The following NFKBID variants were observed in gnomAD, a reference collection of about 807,000 sequenced individuals.
NFKBID encodes NFKB inhibitor delta.
NFKBID carries 26 observed loss-of-function variants against 53.4 expected under a neutral mutation model. That is an observed-to-expected ratio of 0.49 (90% CI 0.36 to 0.68). NFKBID has a LOEUF of 0.68. NFKBID is among the 30% of genes least tolerant of loss of function. NFKBID has a pLI of 0.00. For synonymous variants in NFKBID, 262 were observed against 259.8 expected, an observed-to-expected ratio of 1.01 and a Z score of -0.08; for missense variants, 493 against 614.1, an observed-to-expected ratio of 0.80 and a Z score of 2.08.
At chr19:35,897,756 G>C in exon 4 of NFKBID, 3 of 1,611,500 alleles carry the variant, frequency 1.9e-6, no homozygotes, top group Non-Finnish European at 2.5e-6. Flanking sequence ...AGTAGGGGCT[G>C]TCAGTGTAGG....
rs186911486 is a variant in NFKBID at position 35,890,278 on chromosome 19, G to A, written c.1149+96C>T. On this transcript the variant is annotated intron_variant, in intron 10 of 11. Coordinates refer to ENST00000641389, the Ensembl canonical transcript of NFKBID. ...CTTTCCCCTGCAGATCCCACACATC[G>A]TCCCCTCCACGTCCACAGCCCCCAG... 1,221 of 935,484 alleles carry A rather than the reference G, an allele frequency of 1.3e-3. 11 individuals are homozygous for A. In the African/African-American group the frequency reaches 0.016, roughly 12 times the overall value. The allele number at this position is 935,484 out of a possible 1,614,324, so 57.9% of individuals were successfully genotyped here. A position where few individuals can be genotyped will look rare whatever the true frequency, so the allele number is the denominator to read the frequency against.
At chr19:35,888,784 G>A (rs1028540532) in intron 11 of NFKBID, among the ~76,000 whole-genome samples, 172 bp from the exon 12 acceptor site, 1 of 152,160 alleles carries the variant, frequency 6.6e-6, no homozygotes, top group African/African-American at 2.4e-5. Context: ...AGTGGCTCAC[G>A]CCTGTAATCC....
At chr19:35,898,382 G>T in intron 3 of NFKBID, 90 bp downstream of exon 3, 3 of 775,204 alleles carry the variant, frequency 3.9e-6, no homozygotes, top group Non-Finnish European at 6.3e-6. Flanking sequence ...ATGAGGGCCT[G>T]ACTCCCAGGT....
exon 1 of NFKBID, chr19:35,900,621 C>A (rs1975509499): frequency 8.1e-7 from 1 of 1,229,650 alleles, no homozygotes; most frequent in African/African-American, 1.6e-5. Context: ...GCCCACAGGC[C>A]TGGGAGTCCC....
At chr19:35,894,321 C>G (rs556597644) in intron 9 of NFKBID, among the ~76,000 whole-genome samples, 5 of 152,260 alleles carry the variant, frequency 3.3e-5, no homozygotes, top group Admixed American at 6.5e-5. Flanking sequence ...GAAGGAGCTA[C>G]TGTCACAGGA....
Position 35,898,628 on chromosome 19 carries a change from C to A in NFKBID, c.165+91G>T, listed in dbSNP as rs1254736450. The stretch of plus-strand genomic sequence containing the variant: ...CTATAAGACATTTCGGTCAGGACCA[C>A]CCCTCTCATCAGCCCCGAGGGCCCG... On this transcript the variant is annotated intron_variant, in intron 2 of 11. Transcript: ENST00000641389. The A allele has an allele frequency of 3.6e-6, 5 of 1,404,332 alleles. No individual in the cohort carries two copies. The African/African-American group carries it at 4.3e-5, about 12-fold the overall frequency. 87.0% of individuals were successfully genotyped at this position (1,404,332 alleles called of 1,614,324 possible).
rs1975239692 is a variant in NFKBID, at chr19:35,897,221, G to A, written c.433-163C>T. The A allele has an allele frequency of 5.7e-6, 4 of 702,824 alleles. No individual in the cohort carries two copies. The South Asian group carries it at 6.6e-5, about 12-fold the overall frequency. The allele number at this position is 702,824 out of a possible 1,614,324, so 43.5% of individuals were successfully genotyped here. ...ATCCCATCTATGCCAAGTGACCTTG[G>A]ACCTTTAGGCCTCAGTTTTGCCCAC... is the stretch of plus-strand genomic sequence containing the variant. On this transcript the variant is annotated intron_variant, in intron 4 of 11. Coordinates refer to ENST00000641389, the Ensembl canonical transcript of NFKBID.
chr19:35,900,180 C>T (rs1166407888), intron 1 of NFKBID, among the ~76,000 whole-genome samples: 1 of 130,650 alleles, frequency 7.7e-6, no homozygotes, highest in Non-Finnish European at 1.5e-5. Context: ...ATCCAGCCTC[C>T]CAAGCCTCCC....
rs377364768 is a variant in NFKBID, at chr19:35,897,030, G to A, written c.461C>T (p.Pro154Leu). The A allele has an allele frequency of 8.1e-6, 13 of 1,604,470 alleles. No individual in the cohort carries two copies. In the South Asian group the frequency reaches 8.8e-5, roughly 11 times the overall value. Residue 154 changes from proline (P) to leucine (L), a missense_variant, in exon 5 of 12, where the codon CCT becomes CTT. This residue lies in a region of NFKBID where 226 missense variants were observed against 229.5 expected (regional missense o/e 0.98). Coordinates refer to ENST00000641389, the Ensembl canonical transcript of NFKBID. The stretch of plus-strand genomic sequence containing the variant: ...AGCGGGGAACTGTGGGGGTCCTGAA[G>A]GGGGTGCAGAAACTCTCCAGGGTCC...
Position 35,900,510 on chromosome 19 carries a change from GT to G in NFKBID, c.-9del, listed in dbSNP as rs1317083299. The G allele has an allele frequency of 2.4e-6, 3 of 1,231,902 alleles. 1 individual carries two copies. The highest frequency in any genetic ancestry group is 1.0e-6 in the Non-Finnish European group (1 of 987,758). The allele number at this position is 1,231,902 out of a possible 1,614,324, so 76.3% of individuals were successfully genotyped here. On this transcript the variant is annotated 5_prime_UTR_variant, in exon 1 of 12. Transcript: ENST00000641389. ...GCCTCGGCGCTGCGCCAGCCTCGCT[GT>G]TTCCCCCGCGGAGCCGCCGCCGGGT...
At chr19:35,891,500 A>G (rs185517908) in intron 9 of NFKBID, among the ~76,000 whole-genome samples, 244 of 152,342 alleles carry the variant, frequency 1.6e-3, no homozygotes, top group Non-Finnish European at 2.8e-3. Context: ...AAATTTGAAT[A>G]CAGCCAGGAT....
upstream of NFKBID, among the ~76,000 whole-genome samples, chr19:35,900,813 CTTTTTTTTCTTTTCTTTTTTTTT>C (rs1975525477): frequency 5.5e-5 from 7 of 127,940 alleles, no homozygotes; most frequent in African/African-American, 2.0e-4. Flanking sequence ...TTTTCTTTTT[CTTTTTTTTCTTTTCTTTTTTTTT>C]TTTTTTTTTT....
At chr19:35,898,414 C>A in intron 3 of NFKBID, 58 bp downstream of exon 3, 2 of 1,111,840 alleles carry the variant, frequency 1.8e-6, no homozygotes, top group African/African-American at 1.6e-5. Flanking sequence ...CTGAGAGCTG[C>A]GATGTCTGAG....
intron 9 of NFKBID, among the ~76,000 whole-genome samples, chr19:35,893,382 G>C (rs1174418349): frequency 6.6e-6 from 1 of 152,066 alleles, no homozygotes; most frequent in African/African-American, 2.4e-5. Context: ...CGCTAATAAT[G>C]CCTTATCTTG....
At position 35,890,962 on chromosome 19, in the gene NFKBID, C is replaced by T. The variant is rs10407969; in HGVS notation, c.1033-472G>A. Among the ~76,000 whole-genome samples, 1,320 of 152,244 alleles carry T rather than the reference C, an allele frequency of 8.7e-3. 21 individuals are homozygous for T. Among genetic ancestry groups the T allele is most frequent in the African/African-American group, 0.03 (1,233 of 41,544 alleles). On this transcript the variant is annotated intron_variant, in intron 9 of 11. Transcript: ENST00000641389. ...ATGTCTTGTGCACCGCACAACACCA[C>T]GTCTCAGGGTGTACCATTCACACCA...
chr19:35,894,828 T>C (rs1975016247), intron 9 of NFKBID, among the ~76,000 whole-genome samples: 1 of 151,912 alleles, frequency 6.6e-6, no homozygotes, highest in Non-Finnish European at 1.5e-5. Flanking sequence ...ACCCTGTCTC[T>C]ACTAAAAATA....
At position 35,890,394 on chromosome 19, in the gene NFKBID, G is replaced by A. The variant is rs750159123; in HGVS notation, c.1129C>T (p.Arg377Trp). Residue 377 changes from arginine (R) to tryptophan (W), a missense_variant, in exon 10 of 12, where the codon CGG (arginine) becomes TGG (tryptophan). Coordinates refer to ENST00000641389, the Ensembl canonical transcript of NFKBID. ...CCCACCTTCATGTTGACAAAGGTCCGCAGGTCTCCCCGGGGCAGCTCCAGC... is the reference window on the plus strand; with the variant it reads ...CCCACCTTCATGTTGACAAAGGTCCACAGGTCTCCCCGGGGCAGCTCCAGC... 3.7e-5 allele frequency: 60 copies of A among 1,612,386 alleles called. No homozygotes were observed. Among genetic ancestry groups the A allele is most frequent in the South Asian group, 9.9e-5 (9 of 91,028 alleles).
In NFKBID at chr19:35,894,942, G is replaced by A. The variant is rs576644262; in HGVS notation, c.1032+1038C>T. On this transcript the variant is annotated intron_variant, in intron 9 of 11. Transcript: ENST00000641389. The stretch of plus-strand genomic sequence containing the variant: ...CAGGAGGCGGAGGTTGTGGTGAGCC[G>A]AGATCACACCATTGCACTCCAGCCT... 4.6e-5 allele frequency among the ~76,000 whole-genome samples: 7 copies of A among 150,684 alleles called. 1 individual carries two copies. The South Asian group carries it at 6.3e-4, about 13-fold the overall frequency.
rs764739177 is a variant in NFKBID at position 35,896,855 on chromosome 19, G to A, written c.579-24C>T. The A allele has an allele frequency of 4.0e-5, 64 of 1,613,470 alleles. No homozygotes were observed. The highest frequency in any genetic ancestry group is 4.8e-5 in the Non-Finnish European group (57 of 1,179,538). The stretch of plus-strand genomic sequence containing the variant: ...GCCTGAGGACAGGTGGGGGACAGCC[G>A]TGAGAACAGCCCCCACCAAGCCAAG... On this transcript the variant is annotated intron_variant, in intron 5 of 11. Coordinates refer to ENST00000641389, the Ensembl canonical transcript of NFKBID. The surrounding 1 kb of genome is among the most constrained non-coding windows in gnomAD (Gnocchi z 5.7).
Sources: gnomAD v4.1 joint callset for allele counts (sites outside exome capture counted in the v4.1 genomes callset) on GRCh38, gnomAD v4.1.1 for gene constraint, gnomAD v4.1.1 regional missense constraint, Gnocchi (gnomAD v3.1) non-coding constraint, MANE v1.5 for transcripts, NCBI Gene and HGNC (gene_info 2026-07-23, HGNC 2026-07-21) for gene names.